Variants in NMNAT2 observed in about 807,000 individuals in gnomAD.
The protein encoded by NMNAT2 is nicotinamide/nicotinic acid mononucleotide adenylyltransferase 2.
Under a neutral mutation model 41.6 loss-of-function variants are expected in NMNAT2, and 11 were observed. That is an observed-to-expected ratio of 0.26 (90% CI 0.17 to 0.44). NMNAT2 has a LOEUF of 0.44. Ranked by LOEUF, NMNAT2 falls within the 20% of genes least tolerant of loss-of-function variation. The probability of loss-of-function intolerance (pLI) is 1.00; values close to 1 mark genes in which losing one functional copy is unlikely to be tolerated. For missense variants in NMNAT2, 288 were observed against 407.7 expected, an observed-to-expected ratio of 0.71 and a Z score of 2.53; for synonymous variants, 148 against 151.2, an observed-to-expected ratio of 0.98 and a Z score of 0.16.
At chr1:183,280,174 C>T (rs1290296484) in intron 7 of NMNAT2, among the ~76,000 whole-genome samples, 1 of 152,160 alleles carries the variant, frequency 6.6e-6, no homozygotes, top group Non-Finnish European at 1.5e-5. Context: ...CTGACAGGAG[C>T]CAGACTAGGC....
At chr1:183,315,450 T>TTGTGTGTGTGCGCTTGTGTGTGTG (rs1662224220) in intron 1 of NMNAT2, among the ~76,000 whole-genome samples, 4 of 150,798 alleles carry the variant, frequency 2.7e-5, no homozygotes, top group African/African-American at 7.3e-5. Flanking sequence ...AGAGGTCAAG[T>TTGTGTGTGTGCGCTTGTGTGTGTG]TGTGTGTGTG....
chr1:183,351,037 ACCGTTATTAG>A (rs1234130453), intron 1 of NMNAT2, among the ~76,000 whole-genome samples: 1 of 152,128 alleles, frequency 6.6e-6, no homozygotes, highest in East Asian at 1.9e-4. Context: ...GTGTCCCATC[ACCGTTATTAG>A]CCAATCTATC....
intron 8 of NMNAT2, among the ~76,000 whole-genome samples, chr1:183,270,733 C>T (rs940680138): frequency 1.3e-5 from 2 of 152,170 alleles, no homozygotes; most frequent in Non-Finnish European, 2.9e-5. Flanking sequence ...CCTCCTTCCC[C>T]TGAGACTGTA....
intron 1 of NMNAT2, among the ~76,000 whole-genome samples, chr1:183,362,531 C>T (rs747499454): frequency 6.6e-6 from 1 of 152,164 alleles, no homozygotes; most frequent in Non-Finnish European, 1.5e-5. Context: ...CAATAGATGA[C>T]GTTTTGTGAC....
At chr1:183,410,861 C>A (rs1649097917) in intron 1 of NMNAT2, among the ~76,000 whole-genome samples, 1 of 151,704 alleles carries the variant, frequency 6.6e-6, no homozygotes, top group African/African-American at 2.4e-5. Flanking sequence ...GGGACTACAG[C>A]CACATGCCAA....
rs55897860 is a variant in NMNAT2 at position 183,329,717 on chromosome 1, A to C, written c.86-35924T>G. Among the ~76,000 whole-genome samples the C allele has an allele frequency of 5.0e-3, 766 of 151,828 alleles. 4 individuals are homozygous for C. Among genetic ancestry groups the C allele is most frequent in the African/African-American group, 0.018 (740 of 41,370 alleles). On this transcript the variant is annotated intron_variant, in intron 1 of 10. Coordinates refer to ENST00000287713, the MANE Select transcript of NMNAT2 (RefSeq NM_015039.4). The stretch of plus-strand genomic sequence containing the variant: ...TTCCTGCTCCTACCTTTTCTTGATA[A>C]CCCCCAAGGTGAGATCCAGGAGCCT...
At chr1:183,297,143 G>T (rs4652796) in intron 1 of NMNAT2, among the ~76,000 whole-genome samples, 81,983 of 149,012 alleles carry the variant, frequency 0.55, 23,867 homozygotes, top group Non-Finnish European at 0.64. Context: ...CTGCCCAACA[G>T]CCTCCTGCTC....
intron 1 of NMNAT2, among the ~76,000 whole-genome samples, chr1:183,312,266 T>A (rs1376658569): frequency 2.9e-5 from 4 of 139,956 alleles, no homozygotes. Flanking sequence ...AATTTAAGGC[T>A]TTTTTTTTTT....
At chr1:183,359,570 G>C (rs1038521726) in intron 1 of NMNAT2, among the ~76,000 whole-genome samples, 2 of 152,140 alleles carry the variant, frequency 1.3e-5, no homozygotes, top group South Asian at 4.1e-4. Context: ...TCTATGCGAG[G>C]TTGTACTGGC....
intron 1 of NMNAT2, among the ~76,000 whole-genome samples, chr1:183,359,876 C>A (rs1663268855): frequency 2.0e-5 from 3 of 152,190 alleles, no homozygotes; most frequent in South Asian, 4.1e-4. Context: ...AAGACACCTG[C>A]AAGATAATGA....
intron 1 of NMNAT2, among the ~76,000 whole-genome samples, chr1:183,311,712 G>A (rs114617807): frequency 0.014 from 2,065 of 144,612 alleles, 41 homozygotes; most frequent in African/African-American, 0.05. Context: ...CACATCACAC[G>A]TCCAGTCCCT....
chr1:183,342,714 A>T (rs954674608), intron 1 of NMNAT2, among the ~76,000 whole-genome samples: 1 of 152,028 alleles, frequency 6.6e-6, no homozygotes, highest in Non-Finnish European at 1.5e-5. Context: ...CTCTAAAGTC[A>T]TCTCAAACTC....
At chr1:183,333,123 G>A (rs1340128191) in intron 1 of NMNAT2, among the ~76,000 whole-genome samples, 1 of 152,100 alleles carries the variant, frequency 6.6e-6, no homozygotes, top group African/African-American at 2.4e-5. Flanking sequence ...TTAGGGGAAG[G>A]AACAAAACCC....
At chr1:183,261,966 C>T (rs1325997942) in intron 8 of NMNAT2, among the ~76,000 whole-genome samples, 5 of 151,922 alleles carry the variant, frequency 3.3e-5, no homozygotes, top group Non-Finnish European at 1.5e-5. Context: ...CAGTCTGTCA[C>T]CCAGGCTGGA....
At chr1:183,393,582 A>G (rs577640376) in intron 1 of NMNAT2, among the ~76,000 whole-genome samples, 1 of 152,078 alleles carries the variant, frequency 6.6e-6, no homozygotes, top group Admixed American at 6.6e-5. Flanking sequence ...TAGAGACGGA[A>G]TCTTACTCTG....
chr1:183,324,099 T>C (rs1182359432), intron 1 of NMNAT2, among the ~76,000 whole-genome samples: 1 of 152,012 alleles, frequency 6.6e-6, no homozygotes, highest in Non-Finnish European at 1.5e-5. Flanking sequence ...ATAACTGAGA[T>C]GAAGGCAGAT....
At chr1:183,341,460 T>G (rs1662799690) in intron 1 of NMNAT2, among the ~76,000 whole-genome samples, 1 of 148,666 alleles carries the variant, frequency 6.7e-6, no homozygotes, top group East Asian at 2.0e-4. Flanking sequence ...GGTGGATCGC[T>G]TGAGCTCAGG....
At chr1:183,357,899 A>C (rs1408293024) in intron 1 of NMNAT2, among the ~76,000 whole-genome samples, 1 of 152,120 alleles carries the variant, frequency 6.6e-6, no homozygotes, top group Non-Finnish European at 1.5e-5. Context: ...CATTATATTT[A>C]TATATTCCCA....
At chr1:183,289,269 G>A (rs1183706557) in intron 4 of NMNAT2, among the ~76,000 whole-genome samples, 1 of 152,200 alleles carries the variant, frequency 6.6e-6, no homozygotes, top group Non-Finnish European at 1.5e-5. Context: ...AGAATTGACT[G>A]TTTGCTGTCT....
Sources: gnomAD v4.1 joint callset for allele counts (sites outside exome capture counted in the v4.1 genomes callset) on GRCh38, gnomAD v4.1.1 for gene constraint, MANE v1.5 for transcripts, NCBI Gene and HGNC (gene_info 2026-07-23, HGNC 2026-07-21) for gene names.